The following CACHD1 variants were observed in gnomAD, a reference collection of about 807,000 sequenced individuals.
The protein encoded by CACHD1 is cache domain containing 1.
A neutral mutation model predicts 138.7 loss-of-function variants in CACHD1; 71 were observed. The ratio of observed to expected loss-of-function variants is 0.51; its 90% CI spans 0.42 to 0.62. The LOEUF (loss-of-function observed/expected upper bound fraction) is 0.62, where lower values mean the gene tolerates loss of function less well. Among genes scored for constraint, CACHD1 ranks in the 20% least tolerant of loss-of-function variants. The probability of loss-of-function intolerance (pLI) is 0.00; values close to 1 mark genes in which losing one functional copy is unlikely to be tolerated. For missense variants in CACHD1, 1,389 were observed against 1,625.3 expected (o/e 0.85, Z 2.50); for synonymous variants, 578 against 591.5 (o/e 0.98, Z 0.33).
At chr1:64,588,478 G>C (rs1647070127) in intron 3 of CACHD1, among the ~76,000 whole-genome samples, 1 of 151,064 alleles carries the variant, frequency 6.6e-6, no homozygotes, top group Admixed American at 6.6e-5. Context: ...CTGGAGTGCA[G>C]TGGCACGATC....
chr1:64,665,904 C>T (rs1021843564), intron 15 of CACHD1, among the ~76,000 whole-genome samples, 153 bp from the exon 16 acceptor site: 1 of 152,064 alleles, frequency 6.6e-6, no homozygotes, highest in Non-Finnish European at 1.5e-5. Context: ...CTTGGAGAGG[C>T]TGAGGCAGGA....
chr1:64,514,416 G>T (rs985071756), intron 1 of CACHD1, among the ~76,000 whole-genome samples: 1 of 152,152 alleles, frequency 6.6e-6, no homozygotes, highest in Non-Finnish European at 1.5e-5. Flanking sequence ...AGTTAAAAAG[G>T]ACTCTTGCCA....
At chr1:64,633,124 A>G (rs1457682865) in intron 6 of CACHD1, among the ~76,000 whole-genome samples, 1 of 152,230 alleles carries the variant, frequency 6.6e-6, no homozygotes, top group African/African-American at 2.4e-5. Flanking sequence ...GCCATTGTCC[A>G]GCACCATGAG....
intron 24 of CACHD1, among the ~76,000 whole-genome samples, chr1:64,680,504 T>G (rs1404934154): frequency 6.6e-6 from 1 of 151,802 alleles, no homozygotes; most frequent in Admixed American, 6.6e-5. Context: ...AAAAAAGTCA[T>G]CGAAGCCAAG....
chr1:64,487,198 C>T (rs1256837826), intron 1 of CACHD1, among the ~76,000 whole-genome samples: 1 of 152,138 alleles, frequency 6.6e-6, no homozygotes, highest in Non-Finnish European at 1.5e-5. Flanking sequence ...TTGGCTTTTG[C>T]TTAGAAGGAT....
chr1:64,607,379 T>C (rs1277348159), intron 4 of CACHD1, among the ~76,000 whole-genome samples: 1 of 152,110 alleles, frequency 6.6e-6, no homozygotes, highest in Non-Finnish European at 1.5e-5. Flanking sequence ...TTTAGCAATG[T>C]AGAGGCTATG....
chr1:64,552,893 T>C (rs1646770756), intron 2 of CACHD1, among the ~76,000 whole-genome samples: 2 of 152,270 alleles, frequency 1.3e-5, no homozygotes, highest in South Asian at 4.1e-4. Context: ...AAGGGAATTA[T>C]CGTACAATCT....
At chr1:64,634,764 G>T (rs1280847202) in intron 7 of CACHD1, among the ~76,000 whole-genome samples, 2 of 152,068 alleles carry the variant, frequency 1.3e-5, no homozygotes, top group African/African-American at 2.4e-5. Flanking sequence ...GGAGGTCAAG[G>T]CAGGCGGATC....
intron 2 of CACHD1, among the ~76,000 whole-genome samples, chr1:64,556,200 G>A (rs1014367842): frequency 2.0e-5 from 3 of 152,168 alleles, no homozygotes; most frequent in African/African-American, 7.2e-5. Flanking sequence ...TAGATTTCCT[G>A]CTTTCACTTT....
chr1:64,679,817 T>C (rs1008893743), intron 24 of CACHD1, 61 bp downstream of exon 24: 1 of 1,577,180 alleles, frequency 6.3e-7, no homozygotes, highest in Non-Finnish European at 8.6e-7. Context: ...CAGTGGCGGG[T>C]TGTGTAAGCC....
chr1:64,513,799 C>T (rs1361699028), intron 1 of CACHD1, among the ~76,000 whole-genome samples: 1 of 152,176 alleles, frequency 6.6e-6, no homozygotes, highest in East Asian at 1.9e-4. Context: ...CACTTGTTGG[C>T]AGCAGGAATG....
At chr1:64,659,097 G>A (rs944729177) in intron 13 of CACHD1, among the ~76,000 whole-genome samples, 1 of 152,128 alleles carries the variant, frequency 6.6e-6, no homozygotes. Flanking sequence ...TATAGGATGG[G>A]CTTTGAGAAA....
rs777327603 is a variant in CACHD1 at position 64,602,768 on chromosome 1, C to G, written c.411-38C>G. On this transcript the variant is annotated intron_variant, in intron 3 of 26. Transcript: ENST00000651257. ...TATTTTTGTTGGTTGGTTTTTCTGGCCTGAATAAGTATTGCTAATTCTCTC... is the reference window on the plus strand; with the variant it reads ...TATTTTTGTTGGTTGGTTTTTCTGGGCTGAATAAGTATTGCTAATTCTCTC... 5 of 1,419,128 alleles carry G rather than the reference C, an allele frequency of 3.5e-6. No individual in the cohort carries two copies. In the Admixed American group the frequency reaches 6.7e-5, roughly 19 times the overall value. 87.9% of individuals were successfully genotyped at this position (1,419,128 alleles called of 1,614,324 possible).
chr1:64,678,592 C>G (rs1196128647), intron 23 of CACHD1, among the ~76,000 whole-genome samples: 1 of 152,182 alleles, frequency 6.6e-6, no homozygotes, highest in Non-Finnish European at 1.5e-5. Context: ...TGGCCAAACT[C>G]TGGAGTCTGT....
chr1:64,595,070 CAGGACTCTT>C (rs1320123767), intron 3 of CACHD1, among the ~76,000 whole-genome samples: 3 of 152,182 alleles, frequency 2.0e-5, no homozygotes, highest in Non-Finnish European at 4.4e-5. Context: ...GATGTATGGA[CAGGACTCTT>C]CCCTCCTCGG....
In CACHD1 at chr1:64,550,627, A is replaced by C; in HGVS notation, c.232A>C (p.Ile78Leu). ...CAACTCCTTTGTTTACACTGAGAAAATCTCAAATGGAGAAAGTGAAGTACA... is the reference window on the plus strand; with the variant it reads ...CAACTCCTTTGTTTACACTGAGAAACTCTCAAATGGAGAAAGTGAAGTACA... ...IFNSFVYTEKISNGESEVQQL... is the reference protein window; with the variant it reads ...IFNSFVYTEKLSNGESEVQQL... Residue 78 changes from isoleucine to leucine, a missense_variant, in exon 2 of 27, where the codon ATC becomes CTC. By Grantham distance (5) the Ile-to-Leu change is conservative. This residue lies in a region of CACHD1 where 1,000 missense variants were observed against 1,114.7 expected (regional missense o/e 0.90). Coordinates refer to ENST00000651257, the MANE Select transcript of CACHD1 (RefSeq NM_020925.4). The C allele has an allele frequency of 6.2e-7, 1 of 1,611,970 alleles. No homozygotes were observed. The highest frequency in any genetic ancestry group is 8.5e-7 in the Non-Finnish European group (1 of 1,178,194).
At chr1:64,583,189 A>G (rs544444327) in intron 3 of CACHD1, among the ~76,000 whole-genome samples, 57 of 152,258 alleles carry the variant, frequency 3.7e-4, no homozygotes, top group Non-Finnish European at 7.4e-4. Context: ...TTTACTTATT[A>G]TGATTTCTTG....
rs532723642 is a variant in CACHD1, at chr1:64,470,337, G to T, written c.-408G>T. ...GTCCTCGCCGCCGCCTGCTCGCTGC[G>T]CTGGGACTCGCAGGAAGCGAGAGCC... On this transcript the variant is annotated 5_prime_UTR_variant, in exon 1 of 27. Transcript: ENST00000651257. This position sits in a 1 kb window ranked among gnomAD's most constrained non-coding sequence, Gnocchi z 5.2. Among the ~76,000 whole-genome samples, 1 of 152,042 alleles carries T rather than the reference G, an allele frequency of 6.6e-6. No homozygotes were observed. Among genetic ancestry groups the T allele is most frequent in the South Asian group, 2.1e-4 (1 of 4,824 alleles).
At chr1:64,512,780 T>C (rs183390653) in intron 1 of CACHD1, among the ~76,000 whole-genome samples, 1 of 152,346 alleles carries the variant, frequency 6.6e-6, no homozygotes, top group East Asian at 1.9e-4. Context: ...AAAAATCTTT[T>C]GGCGGGGTAG....
Sources: gnomAD v4.1 joint callset for allele counts (sites outside exome capture counted in the v4.1 genomes callset) on GRCh38, gnomAD v4.1.1 for gene constraint, gnomAD v4.1.1 regional missense constraint, Gnocchi (gnomAD v3.1) non-coding constraint, MANE v1.5 for transcripts, NCBI Gene and HGNC (gene_info 2026-07-23, HGNC 2026-07-21) for gene names.